MIA2: variants seen among roughly 807,000 people sequenced by gnomAD.
The protein encoded by MIA2 is melanoma inhibitory activity protein 2.
In MIA2, 127 loss-of-function variants were observed where a neutral mutation model predicts 167.8. That is an observed-to-expected ratio of 0.76 (90% confidence interval 0.66 to 0.88). The LOEUF is 0.88. Ranked by LOEUF, MIA2 falls within the 40% of genes least tolerant of loss-of-function variation. MIA2 has a pLI of 0.00. For missense variants in MIA2, 1,690 were observed against 1,624.7 expected, an observed-to-expected ratio of 1.04 and a Z score of -0.69; for synonymous variants, 552 against 541.9, an observed-to-expected ratio of 1.02 and a Z score of -0.26.
chr14:39,267,001 C>G, intron 6 of MIA2: 1 of 893,034 alleles, frequency 1.1e-6, no homozygotes, highest in Non-Finnish European at 1.4e-6. Context: ...TCCTCTAGTC[C>G]CAAGCCTCTC....
At chr14:39,257,716 T>G (rs957200297) in intron 6 of MIA2, among the ~76,000 whole-genome samples, 7 of 152,236 alleles carry the variant, frequency 4.6e-5, no homozygotes, top group African/African-American at 1.7e-4. Context: ...TTGCAGTGGC[T>G]GGTACCAGTT....
chr14:39,275,091 T>TAAA (rs2057776117), intron 6 of MIA2, among the ~76,000 whole-genome samples: 6 of 21,094 alleles, frequency 2.8e-4, no homozygotes, highest in African/African-American at 5.1e-4. Context: ...AAAAAAAAAT[T>TAAA]TTTTTTTTTT....
intron 24 of MIA2, among the ~76,000 whole-genome samples, chr14:39,324,614 A>ATTT (rs1356024857): frequency 8.1e-5 from 12 of 147,894 alleles, no homozygotes; most frequent in African/African-American, 3.0e-4. Context: ...TTTTTTTTTT[A>ATTT]TTTTTTTTTT....
intron 18 of MIA2, among the ~76,000 whole-genome samples, chr14:39,310,426 A>G (rs1350463094): frequency 6.6e-6 from 1 of 152,336 alleles, no homozygotes; most frequent in Non-Finnish European, 1.5e-5. Context: ...TTGTTTAGGC[A>G]TGAATTACAG....
In MIA2 at chr14:39,361,109, G is replaced by C. The variant is rs2074673025; in HGVS notation, c.2248+12132G>C. Among the ~76,000 whole-genome samples, 3 of 152,056 alleles carry C rather than the reference G, an allele frequency of 2.0e-5. 1 individual carries two copies. The highest frequency in any genetic ancestry group is 6.3e-3 in the Middle Eastern group (2 of 316). ...GATGCCCCCACCTTGATCTTGCTCA[G>C]GATTGCTTTGGCTAGTTCTGGCTCT... is the stretch of plus-strand genomic sequence containing the variant. On this transcript the variant is annotated intron_variant, in intron 23 of 23. Transcript: ENST00000341502.
rs757379558 is a variant in MIA2, at chr14:39,304,325, G to T, written c.2822G>T (p.Arg941Ile). Residue 941 changes from arginine to isoleucine, a missense_variant, in exon 17 of 29, where the codon AGA becomes ATA. Arg to Ile is a moderately conservative substitution (Grantham distance 97, BLOSUM62 -3). Transcript: ENST00000640607. ...TCTTTAAAAACCTTAGAAGGAGAAA[G>T]AAACCAAATTTATATTCAGTTGTCT... is the stretch of plus-strand genomic sequence containing the variant. ...NASLKTLEGERNQIYIQLSEV... is the reference protein window; with the variant it reads ...NASLKTLEGEINQIYIQLSEV... 11 of 1,575,446 alleles carry T rather than the reference G, an allele frequency of 7.0e-6. No homozygotes were observed. Among genetic ancestry groups the T allele is most frequent in the East Asian group, 6.9e-5 (3 of 43,666 alleles).
At chr14:39,277,206 T>G in intron 7 of MIA2, 141 bp downstream of exon 7, 1 of 1,149,380 alleles carries the variant, frequency 8.7e-7, no homozygotes, top group Non-Finnish European at 1.2e-6. Context: ...TTGTTTTTTG[T>G]TTTTTTTAAA....
chr14:39,263,633 C>CTCTT (rs1555347090), intron 6 of MIA2, among the ~76,000 whole-genome samples: 14 of 130,912 alleles, frequency 1.1e-4, no homozygotes, highest in East Asian at 8.9e-4. Context: ...CTCTCTCTCT[C>CTCTT]TTTTTTTTTT....
intron 25 of MIA2, among the ~76,000 whole-genome samples, chr14:39,328,241 A>G (rs2067983713): frequency 1.3e-5 from 2 of 151,894 alleles, no homozygotes; most frequent in South Asian, 2.1e-4. Context: ...TTTTTTTCAT[A>G]TGTTTGTTGG....
At position 39,291,010 on chromosome 14, in the gene MIA2, T is replaced by C; in HGVS notation, c.2131-9T>C. 1.9e-6 allele frequency: 3 copies of C among 1,601,222 alleles called. No homozygotes were observed. In the East Asian group the frequency reaches 6.8e-5, roughly 36 times the overall value. On this transcript the variant is annotated splice_polypyrimidine_tract_variant and intron_variant, in intron 9 of 28. Coordinates refer to ENST00000640607, the MANE Select transcript of MIA2 (RefSeq NM_001329214.4). ...TAGAGTTTTTACTTGTGATGTTGCTTTGTTTCAGTATGAAGGCTATGAAGT... is the reference window on the plus strand; with the variant it reads ...TAGAGTTTTTACTTGTGATGTTGCTCTGTTTCAGTATGAAGGCTATGAAGT...
rs1177516834 is a variant in MIA2 at position 39,350,337 on chromosome 14, G to T, written c.*73G>T. On this transcript the variant is annotated 3_prime_UTR_variant, in exon 29 of 29. Coordinates refer to ENST00000640607, the MANE Select transcript of MIA2 (RefSeq NM_001329214.4). ...AGTTTAAGTAACTGCTGTTACTTAA[G>T]TGATTACACTTTTGCTCAAATTGAA... 1 of 617,066 alleles carries T rather than the reference G, an allele frequency of 1.6e-6. No individual in the cohort carries two copies. The highest frequency in any genetic ancestry group is 3.1e-5 in the East Asian group (1 of 32,698). 38.2% of individuals were successfully genotyped at this position (617,066 alleles called of 1,614,324 possible). A position where few individuals can be genotyped will look rare whatever the true frequency, so the allele number is the denominator to read the frequency against.
At chr14:39,324,657 A>G (rs2067114428) in intron 24 of MIA2, among the ~76,000 whole-genome samples, 1 of 150,886 alleles carries the variant, frequency 6.6e-6, no homozygotes, top group Admixed American at 6.6e-5. Context: ...CCCAGGCTGG[A>G]GTGCAGTGGC....
intron 6 of MIA2, among the ~76,000 whole-genome samples, chr14:39,256,322 T>C (rs1032585240): frequency 9.2e-5 from 14 of 152,144 alleles, no homozygotes; most frequent in African/African-American, 3.1e-4. Context: ...TAGTATAAAT[T>C]TGAATAGCTG....
chr14:39,374,287 G>A (rs1595958157), intron 23 of MIA2, among the ~76,000 whole-genome samples: 1 of 152,088 alleles, frequency 6.6e-6, no homozygotes, highest in Non-Finnish European at 1.5e-5. Context: ...CTATACCTAA[G>A]GTCATGCCAT....
chr14:39,314,824 G>GTGTGTGTA, intron 20 of MIA2, 25 bp downstream of exon 20: 1 of 1,238,026 alleles, frequency 8.1e-7, no homozygotes, highest in Non-Finnish European at 1.1e-6. Flanking sequence ...GTGTGTGTGT[G>GTGTGTGTA]TGTGTGTGTG....
chr14:39,333,995 A>C (rs2069612183), intron 25 of MIA2, among the ~76,000 whole-genome samples: 1 of 152,230 alleles, frequency 6.6e-6, no homozygotes, highest in South Asian at 2.1e-4. Flanking sequence ...TTCTACAGAC[A>C]CAGTAAAGGA....
Position 39,279,448 on chromosome 14 carries a change from G to A in MIA2, c.2042-1G>A. The stretch of plus-strand genomic sequence containing the variant: ...TGGTAATATTGACTTGACTTTTTTA[G>A]GACGAGAGAAAAAGCTTGCTCTAAT... On this transcript the variant is annotated splice_acceptor_variant, in intron 8 of 28. Transcript: ENST00000640607. LOFTEE classifies it high-confidence loss of function. 1.9e-6 allele frequency: 3 copies of A among 1,604,114 alleles called. No individual in the cohort carries two copies. The highest frequency in any genetic ancestry group is 2.5e-6 in the Non-Finnish European group (3 of 1,177,636).
At chr14:39,250,627 C>T (rs1033943814) in intron 4 of MIA2, among the ~76,000 whole-genome samples, 5 of 151,304 alleles carry the variant, frequency 3.3e-5, no homozygotes, top group Admixed American at 6.6e-5. Context: ...CCCCGGGAGG[C>T]GGAGGTTGCA....
At chr14:39,338,412 TATTAA>T (rs1400017067) in intron 25 of MIA2, among the ~76,000 whole-genome samples, 1 of 152,220 alleles carries the variant, frequency 6.6e-6, no homozygotes, top group Non-Finnish European at 1.5e-5. Flanking sequence ...GAAGTACAAA[TATTAA>T]GCATATAATG....
Sources: allele counts gnomAD v4.1 joint callset (sites outside exome capture counted in the v4.1 genomes callset), GRCh38; gene constraint gnomAD v4.1.1; transcripts MANE v1.5; gene names NCBI Gene and HGNC (gene_info 2026-07-23, HGNC 2026-07-21).